The following SLC7A14 variants were observed in gnomAD, a reference collection of about 807,000 sequenced individuals.
The protein encoded by SLC7A14 is solute carrier family 7 member 14, also known as gamma-aminobutyric acid transporter SLC7A14.
A neutral mutation model predicts 60.2 loss-of-function variants in SLC7A14; 37 were observed. The observed-to-expected ratio is 0.61, with a 90% CI of 0.47 to 0.81. SLC7A14 has a LOEUF of 0.81. Among genes scored for constraint, SLC7A14 ranks in the 30% least tolerant of loss-of-function variants. SLC7A14 has a pLI of 0.00. For missense variants in SLC7A14, 886 were observed against 982.7 expected, an observed-to-expected ratio of 0.90 and a Z score of 1.32; for synonymous variants, 399 against 395.8, an observed-to-expected ratio of 1.01 and a Z score of -0.10.
chr3:170,500,991 AAG>A lies in SLC7A14; in HGVS notation c.541+116_541+117del, dbSNP rs965274301. The stretch of plus-strand genomic sequence containing the variant: ...AGAAAGAATTACTTTGCAAAAGAAA[AAG>A]AGAGATATATTTAAGGCTTTTGATA... On this transcript the variant is annotated intron_variant, in intron 3 of 7. Transcript: ENST00000231706. 9.3e-6 allele frequency: 8 copies of A among 860,636 alleles called. No individual in the cohort carries two copies. The African/African-American group carries it at 1.0e-4, about 11-fold the overall frequency. The allele number at this position is 860,636 out of a possible 1,614,324, so 53.3% of individuals were successfully genotyped here.
At chr3:170,502,297 A>C (rs994015891) in intron 2 of SLC7A14, among the ~76,000 whole-genome samples, 1 of 152,234 alleles carries the variant, frequency 6.6e-6, no homozygotes, top group African/African-American at 2.4e-5. Context: ...TCCTAATTTC[A>C]GGAGATAGGA....
intron 1 of SLC7A14, among the ~76,000 whole-genome samples, chr3:170,563,528 C>T (rs1020661215): frequency 2.0e-5 from 3 of 151,102 alleles, no homozygotes; most frequent in Admixed American, 6.6e-5. Flanking sequence ...AGCAATTCTC[C>T]AGCCGCAGCC....
At chr3:170,584,796 G>T (rs762733596) in intron 1 of SLC7A14, among the ~76,000 whole-genome samples, 2 of 152,144 alleles carry the variant, frequency 1.3e-5, no homozygotes, top group Non-Finnish European at 2.9e-5. Context: ...TATACCTAGG[G>T]GGAGGCAGGG....
At position 170,501,325 on chromosome 3, in the gene SLC7A14, C is replaced by T. The variant is rs754524760; in HGVS notation, c.325G>A (p.Gly109Arg). The T allele has an allele frequency of 1.9e-6, 3 of 1,614,188 alleles. No homozygotes were observed. Among genetic ancestry groups the T allele is most frequent in the Non-Finnish European group, 2.5e-6 (3 of 1,180,024 alleles). The stretch of plus-strand genomic sequence containing the variant: ...CCTGTGGTCTTGGGGACTCGAACTC[C>T]AAACTCTGCATAGCAGACGCCTGCA... ...ILSGVCYAEF[G>R]VRVPKTTGSA... Residue 109 changes from glycine (G) to arginine (R), a missense_variant, in exon 3 of 8, where the codon GGA (glycine) becomes AGA (arginine). Coordinates refer to ENST00000231706, the MANE Select transcript of SLC7A14 (RefSeq NM_020949.3).
At chr3:170,541,168 G>A (rs1257926257) in intron 1 of SLC7A14, among the ~76,000 whole-genome samples, 3 of 152,062 alleles carry the variant, frequency 2.0e-5, no homozygotes, top group Non-Finnish European at 4.4e-5. Context: ...TTATTTCAAG[G>A]GCATTAATTG....
rs745806523 is a variant in SLC7A14, at chr3:170,526,874, T to G, written c.63A>C (p.Ala21=). The G allele has an allele frequency of 7.4e-6, 12 of 1,613,910 alleles. No individual in the cohort carries two copies. The highest frequency in any genetic ancestry group is 9.3e-6 in the Non-Finnish European group (11 of 1,179,940). Residue 21 remains alanine (A), a synonymous_variant, in exon 2 of 8, where the codon GCA becomes GCC. Coordinates refer to ENST00000231706, the MANE Select transcript of SLC7A14 (RefSeq NM_020949.3). ...RRVQWGAAWY[A]MHSRILRTKP... is the part of the protein sequence containing the mutation. ...TGGTGCGTAGGATCCTGGAGTGCATTGCATACCAGGCAGCTCCCCACTGCA... is the reference window on the plus strand; with the variant it reads ...TGGTGCGTAGGATCCTGGAGTGCATGGCATACCAGGCAGCTCCCCACTGCA...
At chr3:170,534,098 C>T (rs950693447) in intron 1 of SLC7A14, among the ~76,000 whole-genome samples, 3 of 152,104 alleles carry the variant, frequency 2.0e-5, no homozygotes, top group Non-Finnish European at 4.4e-5. Context: ...GTATATTAAT[C>T]AGCTTTTGCT....
chr3:170,509,091 C>T (rs1712880243), intron 2 of SLC7A14, among the ~76,000 whole-genome samples: 1 of 152,174 alleles, frequency 6.6e-6, no homozygotes, highest in African/African-American at 2.4e-5. Flanking sequence ...GGTGCTCTGT[C>T]CCTTCAGCCT....
chr3:170,554,132 A>T (rs1318194134), intron 1 of SLC7A14, among the ~76,000 whole-genome samples: 1 of 152,210 alleles, frequency 6.6e-6, no homozygotes, highest in African/African-American at 2.4e-5. Context: ...AAAGAAAAAA[A>T]AATGGGCAAG....
intron 1 of SLC7A14, among the ~76,000 whole-genome samples, chr3:170,541,004 G>C (rs1714001630): frequency 6.6e-6 from 1 of 152,246 alleles, no homozygotes; most frequent in African/African-American, 2.4e-5. Context: ...TTCACTTATT[G>C]ACATGGCAAA....
At chr3:170,552,051 T>G (rs919673235) in intron 1 of SLC7A14, among the ~76,000 whole-genome samples, 1 of 152,226 alleles carries the variant, frequency 6.6e-6, no homozygotes, top group African/African-American at 2.4e-5. Context: ...TTAGCTCTTA[T>G]GTTTTGGTCT....
chr3:170,575,277 A>G (rs374790354), intron 1 of SLC7A14, among the ~76,000 whole-genome samples: 1 of 152,206 alleles, frequency 6.6e-6, no homozygotes, highest in Non-Finnish European at 1.5e-5. Flanking sequence ...TTTATATGCA[A>G]GCATGAACAG....
chr3:170,515,393 C>G (rs1049192087), intron 2 of SLC7A14, among the ~76,000 whole-genome samples: 4 of 151,784 alleles, frequency 2.6e-5, no homozygotes, highest in Admixed American at 2.6e-4. Context: ...AAGGGCGAGG[C>G]TGCTCACTAG....
At chr3:170,520,637 C>G (rs1713314590) in intron 2 of SLC7A14, among the ~76,000 whole-genome samples, 1 of 152,174 alleles carries the variant, frequency 6.6e-6, no homozygotes, top group Non-Finnish European at 1.5e-5. Context: ...AGGACTGATG[C>G]TGTGTATGCA....
intron 1 of SLC7A14, among the ~76,000 whole-genome samples, chr3:170,556,800 CCA>C (rs1714495654): frequency 6.6e-6 from 1 of 152,128 alleles, no homozygotes; most frequent in African/African-American, 2.4e-5. Context: ...TTTTTGCCTA[CCA>C]TAGACAGACA....
intron 1 of SLC7A14, among the ~76,000 whole-genome samples, chr3:170,531,469 G>T (rs1418657567): frequency 6.6e-6 from 1 of 152,004 alleles, no homozygotes; most frequent in African/African-American, 2.4e-5. Context: ...TTGAAAATGT[G>T]GAGAATCAAC....
At chr3:170,492,900 T>C (rs1400193271) in intron 4 of SLC7A14, among the ~76,000 whole-genome samples, 2 of 152,198 alleles carry the variant, frequency 1.3e-5, no homozygotes, top group African/African-American at 4.8e-5. Context: ...ACCACCCTCA[T>C]GCCCCAGCTC....
intron 7 of SLC7A14, among the ~76,000 whole-genome samples, chr3:170,478,749 C>A (rs946086095): frequency 1.1e-4 from 17 of 152,100 alleles, no homozygotes; most frequent in African/African-American, 4.1e-4. Context: ...ACTGCGGGCA[C>A]CCTGCTCCAG....
At chr3:170,469,997 T>C (rs1240504686) in intron 7 of SLC7A14, among the ~76,000 whole-genome samples, 1 of 152,112 alleles carries the variant, frequency 6.6e-6, no homozygotes, top group Non-Finnish European at 1.5e-5. Context: ...ATTCATATTA[T>C]GGGAATTCTC....
Sources: allele counts gnomAD v4.1 joint callset (sites outside exome capture counted in the v4.1 genomes callset), GRCh38; gene constraint gnomAD v4.1.1; transcripts MANE v1.5; gene names NCBI Gene and HGNC (gene_info 2026-07-23, HGNC 2026-07-21).